Variants in COL22A1 observed in about 807,000 individuals in gnomAD.
The protein encoded by COL22A1 is collagen alpha-1(XXII) chain.
In COL22A1, 221 loss-of-function variants were observed where a neutral mutation model predicts 248.9. The observed-to-expected ratio is 0.89, with a 90% CI of 0.80 to 0.99. The LOEUF is 0.99. Ranked by LOEUF, COL22A1 falls within the 50% of genes least tolerant of loss-of-function variation. The probability of loss-of-function intolerance (pLI) is 0.00; values close to 1 mark genes in which losing one functional copy is unlikely to be tolerated. For synonymous variants in COL22A1, 891 were observed against 793.4 expected, an observed-to-expected ratio of 1.12 and a Z score of -2.07; for missense variants, 2,240 against 2,179.0, an observed-to-expected ratio of 1.03 and a Z score of -0.56.
chr8:138,705,210 A>G (rs1774371391), intron 30 of COL22A1, among the ~76,000 whole-genome samples: 2 of 152,236 alleles, frequency 1.3e-5, no homozygotes, highest in African/African-American at 2.4e-5. Context: ...AACACTCTTC[A>G]GGATATTATC....
intron 14 of COL22A1, among the ~76,000 whole-genome samples, chr8:138,779,094 A>G (rs545390157): frequency 6.6e-6 from 1 of 152,366 alleles, no homozygotes; most frequent in African/African-American, 2.4e-5. Context: ...CATTAATTTT[A>G]GTGGAAAACA....
chr8:138,901,358 G>GTTTTTTTTTTT (rs146670099), intron 1 of COL22A1, among the ~76,000 whole-genome samples: 3 of 131,514 alleles, frequency 2.3e-5, no homozygotes, highest in African/African-American at 5.6e-5. Context: ...TTACTGGCAG[G>GTTTTTTTTTTT]TTTTTTTTTT....
In COL22A1 at chr8:138,684,918, T is replaced by C. The variant is rs1295056452; in HGVS notation, c.2967+290A>G. 2.0e-5 allele frequency among the ~76,000 whole-genome samples: 3 copies of C among 152,196 alleles called. No individual in the cohort carries two copies. The East Asian group carries it at 5.8e-4, about 29-fold the overall frequency. On this transcript the variant is annotated intron_variant, in intron 38 of 64. Transcript: ENST00000303045. The stretch of plus-strand genomic sequence containing the variant: ...TCCTTCTTTACGCATACCACACTTG[T>C]CCTGAGCTGTGGGGATGTGTTTGCC...
At chr8:138,706,498 C>T (rs966739234) in intron 30 of COL22A1, among the ~76,000 whole-genome samples, 20 of 152,298 alleles carry the variant, frequency 1.3e-4, no homozygotes, top group Middle Eastern at 3.4e-3. Context: ...CAAAACCACT[C>T]AACCACATGG....
chr8:138,771,797 G>A (rs1342425594), intron 16 of COL22A1, among the ~76,000 whole-genome samples: 1 of 152,204 alleles, frequency 6.6e-6, no homozygotes. Context: ...AGAAAACGGA[G>A]GCTCCAGTAG....
At chr8:138,881,633 C>G (rs995135563) in intron 2 of COL22A1, among the ~76,000 whole-genome samples, 1 of 152,174 alleles carries the variant, frequency 6.6e-6, no homozygotes, top group South Asian at 2.1e-4. Flanking sequence ...TGCAGTGAGC[C>G]GAGATCACGC....
intron 30 of COL22A1, among the ~76,000 whole-genome samples, chr8:138,711,061 C>T (rs941305687): frequency 6.6e-6 from 1 of 152,078 alleles, no homozygotes; most frequent in African/African-American, 2.4e-5. Flanking sequence ...GGAAGAACAG[C>T]GAGCTGGAGC....
intron 32 of COL22A1, 56 bp from the exon 33 acceptor site, chr8:138,694,935 C>T: frequency 2.6e-6 from 4 of 1,566,130 alleles, no homozygotes; most frequent in Non-Finnish European, 3.5e-6. Flanking sequence ...CCCCTCGTCA[C>T]AGGGTACATG....
At chr8:138,691,569 G>T (rs1342107098) in intron 35 of COL22A1, among the ~76,000 whole-genome samples, 1 of 152,156 alleles carries the variant, frequency 6.6e-6, no homozygotes, top group Non-Finnish European at 1.5e-5. Context: ...TTGTGGAGGT[G>T]TATGTGTGCG....
chr8:138,807,529 T>C (rs935934756), intron 10 of COL22A1, among the ~76,000 whole-genome samples: 1 of 152,220 alleles, frequency 6.6e-6, no homozygotes, highest in Non-Finnish European at 1.5e-5. Context: ...GCCAGGGCTC[T>C]GGGAATCTAA....
intron 30 of COL22A1, 104 bp downstream of exon 30, chr8:138,715,578 A>G: frequency 1.4e-6 from 1 of 740,394 alleles, no homozygotes; most frequent in Non-Finnish European, 2.1e-6. Flanking sequence ...TTAAAAAAAA[A>G]AAAAAAAAAA....
chr8:138,656,737 G>A (rs1339277246), intron 44 of COL22A1, among the ~76,000 whole-genome samples: 1 of 152,184 alleles, frequency 6.6e-6, no homozygotes, highest in African/African-American at 2.4e-5. Flanking sequence ...GTGCTACTTT[G>A]CAAAATTCTA....
Position 138,883,258 on chromosome 8 carries a change from G to C in COL22A1, c.-72-14C>G, listed in dbSNP as rs1824381158. ...CAGCAGCATGGCCTGTGTGGAGAAA[G>C]ACACCCTTAGAGAAGGCTCTCAAGC... On this transcript the variant is annotated splice_polypyrimidine_tract_variant and intron_variant, in intron 1 of 64. Transcript: ENST00000303045. 7.5e-7 allele frequency: 1 copy of C among 1,336,116 alleles called. No homozygotes were observed. Among genetic ancestry groups the C allele is most frequent in the Non-Finnish European group, 1.0e-6 (1 of 967,580 alleles). 82.8% of individuals were successfully genotyped at this position (1,336,116 alleles called of 1,614,324 possible).
At chr8:138,619,879 C>T (rs531477983) in intron 52 of COL22A1, 132 of 235,860 alleles carry the variant, frequency 5.6e-4, no homozygotes, top group Non-Finnish European at 9.4e-4. Flanking sequence ...TTAACACTTG[C>T]ACTTTACCGA....
chr8:138,748,919 C>T (rs1008920949), intron 22 of COL22A1, among the ~76,000 whole-genome samples: 7 of 152,176 alleles, frequency 4.6e-5, no homozygotes, highest in African/African-American at 1.2e-4. Flanking sequence ...ATAATTCCCA[C>T]GTGTTGTGAG....
At chr8:138,755,033 C>T in intron 21 of COL22A1, 124 bp downstream of exon 21, 1 of 940,208 alleles carries the variant, frequency 1.1e-6, no homozygotes, top group Non-Finnish European at 1.7e-6. Flanking sequence ...GCACAACCCA[C>T]TCAGGTGATG....
chr8:138,709,091 C>T (rs977500354), intron 30 of COL22A1, among the ~76,000 whole-genome samples: 3 of 152,114 alleles, frequency 2.0e-5, no homozygotes, highest in African/African-American at 2.4e-5. Flanking sequence ...CAATGAGATA[C>T]CATCTCACAC....
At chr8:138,868,852 T>C (rs1180862400) in intron 3 of COL22A1, among the ~76,000 whole-genome samples, 2 of 152,024 alleles carry the variant, frequency 1.3e-5, no homozygotes, top group East Asian at 1.9e-4. Context: ...TGCCTCAGTC[T>C]CCTGAGTAGC....
Position 138,716,278 on chromosome 8 carries a change from G to A in COL22A1, c.2412C>T (p.Gly804=), listed in dbSNP as rs1261425463. ...AGRPGEKGEA[G]LPGAPGFPGV... ...CTGGGAAGCCTGGAGCCCCTGGGAG[G>A]CCTGCTTCTCCCTGTGAGAACAAAA... The change falls in exon 29 of 65, where the codon GGC becomes GGT. Residue 804 remains glycine (G), a synonymous_variant. Coordinates refer to ENST00000303045, the MANE Select transcript of COL22A1 (RefSeq NM_152888.3). 6.3e-7 allele frequency: 1 copy of A among 1,590,362 alleles called. No homozygotes were observed. Among genetic ancestry groups the A allele is most frequent in the African/African-American group, 1.3e-5 (1 of 74,748 alleles).
Sources: allele counts gnomAD v4.1 joint callset (sites outside exome capture counted in the v4.1 genomes callset), GRCh38; gene constraint gnomAD v4.1.1; transcripts MANE v1.5; gene names NCBI Gene and HGNC (gene_info 2026-07-23, HGNC 2026-07-21).